The following CSTPP1 variants were observed in gnomAD, a reference collection of about 807,000 sequenced individuals.
The protein encoded by CSTPP1 is UPF0705 protein C11orf49.
chr11:47,086,234 C>CAAAAAAAAAAAAAAAAAAAAAAA, the CSTPP1 span, among the ~76,000 whole-genome samples: 6 of 89,432 alleles, frequency 6.7e-5, 3 homozygotes, highest in Non-Finnish European at 1.2e-4. Context: ...ACTAAAAATC[C>CAAAAAAAAAAAAAAAAAAAAAAA]AAAAAAAAAA....
chr11:47,003,663 G>A, the CSTPP1 span, among the ~76,000 whole-genome samples: 1 of 152,206 alleles, frequency 6.6e-6, no homozygotes, highest in African/African-American at 2.4e-5. Context: ...CAGCACTGCA[G>A]AAACTGTCTT....
At chr11:47,160,903 C>T in the CSTPP1 span, 1 of 584,962 alleles carries the variant, frequency 1.7e-6, no homozygotes, top group Non-Finnish European at 3.0e-6. Flanking sequence ...GTGTCTGCCC[C>T]AGGCAGGGAA....
At chr11:47,122,091 A>AAAAAAATATATATATATATATAT in the CSTPP1 span, among the ~76,000 whole-genome samples, 1 of 31,836 alleles carries the variant, frequency 3.1e-5, no homozygotes, top group Non-Finnish European at 6.4e-5. Context: ...AAAAAAAAAA[A>AAAAAAATATATATATATATATAT]ATATATATAT....
chr11:46,965,916 C>T, the CSTPP1 span, among the ~76,000 whole-genome samples: 1 of 152,164 alleles, frequency 6.6e-6, no homozygotes, highest in African/African-American at 2.4e-5. Context: ...ACATTTTACC[C>T]TCGTATGATT....
At chr11:46,968,224 C>T in the CSTPP1 span, among the ~76,000 whole-genome samples, 1 of 151,484 alleles carries the variant, frequency 6.6e-6, no homozygotes, top group Non-Finnish European at 1.5e-5. Context: ...TGGGGCCTAG[C>T]GCAGGAACTC....
the CSTPP1 span, among the ~76,000 whole-genome samples, chr11:47,009,274 C>T: frequency 6.6e-6 from 1 of 152,118 alleles, no homozygotes; most frequent in Non-Finnish European, 1.5e-5. Context: ...AAGAGTTAGT[C>T]TGAATTACCT....
the CSTPP1 span, among the ~76,000 whole-genome samples, chr11:46,940,548 C>A: frequency 6.6e-6 from 1 of 152,224 alleles, no homozygotes; most frequent in African/African-American, 2.4e-5. Flanking sequence ...ATCTAAGTGA[C>A]AGATAGTCTG....
chr11:47,135,141 TA>T, the CSTPP1 span, among the ~76,000 whole-genome samples: 60 of 151,696 alleles, frequency 4.0e-4, no homozygotes, highest in Middle Eastern at 3.4e-3. Context: ...AAATTTAAAA[TA>T]AAAAAAACTC....
At chr11:47,086,919 T>C in the CSTPP1 span, among the ~76,000 whole-genome samples, 2 of 152,146 alleles carry the variant, frequency 1.3e-5, no homozygotes, top group Admixed American at 6.5e-5. Context: ...TTGACAGAAA[T>C]CTGTACAGTA....
chr11:47,162,786 C>T, the CSTPP1 span, among the ~76,000 whole-genome samples: 118 of 152,278 alleles, frequency 7.7e-4, 1 homozygote, highest in Non-Finnish European at 1.5e-3. Context: ...CACTACTAGG[C>T]ATACACATTT....
the CSTPP1 span, among the ~76,000 whole-genome samples, chr11:47,128,021 C>A: frequency 6.6e-6 from 1 of 152,144 alleles, no homozygotes; most frequent in Non-Finnish European, 1.5e-5. Context: ...GGATTACAGG[C>A]ATGCGCCACC....
the CSTPP1 span, among the ~76,000 whole-genome samples, chr11:47,020,678 T>C: frequency 6.6e-5 from 10 of 152,370 alleles, no homozygotes; most frequent in African/African-American, 2.4e-4. Flanking sequence ...TTAATGTGTT[T>C]AAATACTTTG....
chr11:47,111,434 C>A, the CSTPP1 span, among the ~76,000 whole-genome samples: 16 of 152,236 alleles, frequency 1.1e-4, no homozygotes, highest in East Asian at 3.1e-3. Context: ...CATGACTTTG[C>A]GGTTGCATTG....
At chr11:47,161,491 C>T in the CSTPP1 span, 2 of 1,614,062 alleles carry the variant, frequency 1.2e-6, no homozygotes, top group Non-Finnish European at 1.7e-6. Flanking sequence ...GCCTGGTCAA[C>T]TCGGTCACAG....
the CSTPP1 span, among the ~76,000 whole-genome samples, chr11:47,011,718 C>G: frequency 2.0e-5 from 3 of 152,120 alleles, no homozygotes; most frequent in African/African-American, 7.2e-5. Flanking sequence ...TATTTCCTCT[C>G]CATTATTAAT....
chr11:47,151,873 T>C, the CSTPP1 span, among the ~76,000 whole-genome samples: 1 of 152,032 alleles, frequency 6.6e-6, no homozygotes, highest in Non-Finnish European at 1.5e-5. Flanking sequence ...CTCCCCAGTC[T>C]CTGAGACTCA....
At chr11:47,022,518 C>T in the CSTPP1 span, among the ~76,000 whole-genome samples, 108 of 151,588 alleles carry the variant, frequency 7.1e-4, no homozygotes, top group Middle Eastern at 6.8e-3. Context: ...TACAGGCGTG[C>T]GCCACCACAC....
At chr11:46,936,722 T>C in the CSTPP1 span, 18 of 1,577,132 alleles carry the variant, frequency 1.1e-5, no homozygotes, top group Non-Finnish European at 1.5e-5. Context: ...TTCCGCCGCG[T>C]GGGTGCCATG....
the CSTPP1 span, among the ~76,000 whole-genome samples, chr11:47,024,278 G>A: frequency 6.6e-6 from 1 of 151,720 alleles, no homozygotes; most frequent in Non-Finnish European, 1.5e-5. Context: ...TACCCAGGCT[G>A]GTCTCAAACT....
Sources: allele counts gnomAD v4.1 joint callset (sites outside exome capture counted in the v4.1 genomes callset), GRCh38; gene constraint gnomAD v4.1.1; transcripts MANE v1.5; gene names NCBI Gene and HGNC (gene_info 2026-07-23, HGNC 2026-07-21).